Variants in SHANK2 observed in about 807,000 individuals in gnomAD.
SHANK2 encodes the protein SH3 and multiple ankyrin repeat domains 2.
In SHANK2, 43 loss-of-function variants were observed where a neutral mutation model predicts 133.7. That is an observed-to-expected ratio of 0.32 (90% CI 0.25 to 0.41). SHANK2 has a LOEUF of 0.41. Among genes scored for constraint, SHANK2 ranks in the 10% least tolerant of loss-of-function variants. The pLI is 1.00. For missense variants in SHANK2, 1,994 were observed against 2,235.8 expected (o/e 0.89, Z 2.18); for synonymous variants, 1,017 against 952.8 (o/e 1.07, Z -1.24).
intron 15 of SHANK2, among the ~76,000 whole-genome samples, chr11:70,683,841 T>C (rs566460444): frequency 1.2e-3 from 186 of 152,044 alleles, no homozygotes; most frequent in Middle Eastern, 3.4e-3. Context: ...TGGAGTGCAG[T>C]GGCGTGATCT....
chr11:70,845,186 A>G (rs1288477921), intron 11 of SHANK2, among the ~76,000 whole-genome samples: 10 of 144,224 alleles, frequency 6.9e-5, no homozygotes, highest in African/African-American at 2.4e-4. Context: ...GTGACAGAGC[A>G]AGACTCTGTC....
At chr11:70,905,803 GTTTTTTTTT>G (rs112602946) in intron 10 of SHANK2, among the ~76,000 whole-genome samples, 2 of 136,718 alleles carry the variant, frequency 1.5e-5, no homozygotes, top group African/African-American at 5.5e-5. Flanking sequence ...CCCAGTTTAT[GTTTTTTTTT>G]TTTTTTTTTT....
intron 10 of SHANK2, among the ~76,000 whole-genome samples, chr11:70,937,549 C>A (rs976184363): frequency 6.6e-6 from 1 of 152,214 alleles, no homozygotes; most frequent in African/African-American, 2.4e-5. Context: ...CCTGGAGTAC[C>A]CAGAGGGCCT....
intron 14 of SHANK2, among the ~76,000 whole-genome samples, chr11:70,781,404 C>G (rs570355918): frequency 2.1e-3 from 323 of 151,084 alleles, no homozygotes; most frequent in Non-Finnish European, 3.3e-3. Flanking sequence ...CTGAAGCTCC[C>G]CCAACCCAGG....
intron 14 of SHANK2, among the ~76,000 whole-genome samples, chr11:70,784,343 G>GTTTTTTT (rs71049942): frequency 0.016 from 679 of 42,834 alleles, 160 homozygotes; most frequent in Middle Eastern, 0.059. Flanking sequence ...ACACCGGCTA[G>GTTTTTTT]TTTTTTTTTT....
intron 1 of SHANK2, among the ~76,000 whole-genome samples, chr11:71,233,588 G>A (rs1167516882): frequency 2.6e-5 from 4 of 152,130 alleles, no homozygotes; most frequent in Non-Finnish European, 4.4e-5. Context: ...TAAAAAACAC[G>A]GCACTGCAGG....
At chr11:70,857,034 G>C (rs782466789) in intron 11 of SHANK2, among the ~76,000 whole-genome samples, 36 of 152,176 alleles carry the variant, frequency 2.4e-4, no homozygotes, top group Non-Finnish European at 4.4e-4. Flanking sequence ...TATGCTCTCT[G>C]CAACAGCCTG....
chr11:70,614,686 C>T (rs960737228), intron 17 of SHANK2, among the ~76,000 whole-genome samples: 1 of 152,238 alleles, frequency 6.6e-6, no homozygotes. Flanking sequence ...ATCCCATCCT[C>T]CAGTCTTTGT....
chr11:70,601,922 G>A (rs532474561), intron 17 of SHANK2, among the ~76,000 whole-genome samples: 10 of 152,320 alleles, frequency 6.6e-5, no homozygotes, highest in African/African-American at 2.2e-4. Flanking sequence ...CTGCCACCCA[G>A]GTGGCTGGAA....
chr11:71,216,529 A>C (rs1174381868), intron 2 of SHANK2, among the ~76,000 whole-genome samples: 2 of 152,148 alleles, frequency 1.3e-5, no homozygotes, highest in Non-Finnish European at 2.9e-5. Flanking sequence ...GGGGAATATA[A>C]AAAAAGATTA....
chr11:70,657,743 C>T (rs1555011999), intron 17 of SHANK2, among the ~76,000 whole-genome samples: 1 of 152,200 alleles, frequency 6.6e-6, no homozygotes, highest in Non-Finnish European at 1.5e-5. Context: ...AATATAAAAC[C>T]TGCCCCAAAA....
chr11:71,241,420 G>A (rs529079726), intron 1 of SHANK2, among the ~76,000 whole-genome samples: 1 of 152,184 alleles, frequency 6.6e-6, no homozygotes, highest in East Asian at 1.9e-4. Flanking sequence ...CCACACAGGC[G>A]ACCCAAGGCC....
At chr11:70,699,246 TA>T (rs57742347) in intron 14 of SHANK2, among the ~76,000 whole-genome samples, 2,807 of 136,026 alleles carry the variant, frequency 0.021, 15 homozygotes, top group Non-Finnish European at 0.028. Flanking sequence ...TCCTTTCTCC[TA>T]AAAAAAAAAA....
At chr11:71,227,974 A>T (rs549121095) in intron 1 of SHANK2, among the ~76,000 whole-genome samples, 6 of 151,958 alleles carry the variant, frequency 3.9e-5, no homozygotes, top group Non-Finnish European at 8.8e-5. Context: ...CAATAAGCTG[A>T]CTCTTTGTAA....
In SHANK2 at chr11:70,600,188, G is replaced by A. The variant is rs1299724489; in HGVS notation, c.2061+59640C>T. Reference sequence around the variant, plus strand: ...AATCCCAGCCATTTGAGAGGCTGAGGCGGGTGGATCACTTGAGGTCAGGAG... The same window carrying A: ...AATCCCAGCCATTTGAGAGGCTGAGACGGGTGGATCACTTGAGGTCAGGAG... On this transcript the variant is annotated intron_variant, in intron 17 of 25. Coordinates refer to ENST00000601538, the MANE Select transcript of SHANK2 (RefSeq NM_012309.5). Among the ~76,000 whole-genome samples, 2 of 152,046 alleles carry A rather than the reference G, an allele frequency of 1.3e-5. 1 individual carries two copies.
At chr11:70,582,605 C>T (rs562481800) in intron 17 of SHANK2, among the ~76,000 whole-genome samples, 9 of 152,346 alleles carry the variant, frequency 5.9e-5, no homozygotes, top group African/African-American at 9.6e-5. Context: ...GGCCCTGGAG[C>T]GATGGGCCTT....
chr11:70,858,482 C>A (rs924806262), intron 11 of SHANK2, among the ~76,000 whole-genome samples: 2 of 152,238 alleles, frequency 1.3e-5, no homozygotes, highest in Admixed American at 6.5e-5. Context: ...CAACACCTAG[C>A]AGCAAGGCAG....
In SHANK2 at chr11:71,122,649, TA is replaced by T. The variant is rs1423856112; in HGVS notation, c.208-3618del. On this transcript the variant is annotated intron_variant, in intron 3 of 25. Transcript: ENST00000601538. Reference sequence around the variant, plus strand: ...TACCCTAGAACTTAAAGTATAATTTTAAAAAAAAGTGAGAAAATCTGGACAC... The same window carrying T: ...TACCCTAGAACTTAAAGTATAATTTTAAAAAAAGTGAGAAAATCTGGACAC... Among the ~76,000 whole-genome samples the T allele has an allele frequency of 7.9e-5, 12 of 151,968 alleles. No individual in the cohort carries two copies. In the South Asian group the frequency reaches 2.3e-3, roughly 29 times the overall value.
chr11:70,913,726 T>C (rs1196168532), intron 10 of SHANK2, among the ~76,000 whole-genome samples: 1 of 152,150 alleles, frequency 6.6e-6, no homozygotes, highest in Admixed American at 6.5e-5. Context: ...TGCCCCAGAC[T>C]TCATGCGGAA....
Sources: allele counts gnomAD v4.1 joint callset (sites outside exome capture counted in the v4.1 genomes callset), GRCh38; gene constraint gnomAD v4.1.1; transcripts MANE v1.5; gene names NCBI Gene and HGNC (gene_info 2026-07-23, HGNC 2026-07-21).